KCNH7: variants seen among roughly 807,000 people sequenced by gnomAD.
KCNH7 encodes potassium voltage-gated channel subfamily H member 7, also known as voltage-gated inwardly rectifying potassium channel KCNH7.
Under a neutral mutation model 120.8 loss-of-function variants are expected in KCNH7, and 49 were observed. The ratio of observed to expected loss-of-function variants is 0.41; its 90% CI spans 0.32 to 0.51. The LOEUF (loss-of-function observed/expected upper bound fraction) is 0.51. Among genes scored for constraint, KCNH7 ranks in the 20% least tolerant of loss-of-function variants. The pLI is 0.38. For synonymous variants in KCNH7, 547 were observed against 516.1 expected (o/e 1.06, Z -0.81); for missense variants, 1,097 against 1,446.6 (o/e 0.76, Z 3.92).
intron 2 of KCNH7, among the ~76,000 whole-genome samples, chr2:162,748,927 T>TTTC (rs1553520254): frequency 3.6e-5 from 1 of 27,842 alleles, no homozygotes; most frequent in African/African-American, 2.3e-4. Flanking sequence ...TTCCCTTTCC[T>TTTC]TTCCTTCCTT....
At chr2:162,468,865 T>G (rs1292494676) in intron 6 of KCNH7, among the ~76,000 whole-genome samples, 1 of 151,792 alleles carries the variant, frequency 6.6e-6, no homozygotes, top group Non-Finnish European at 1.5e-5. Flanking sequence ...TTTTTTTTTT[T>G]TTAAAGAAAG....
At chr2:162,550,647 C>T (rs1314044902) in intron 2 of KCNH7, among the ~76,000 whole-genome samples, 1 of 152,082 alleles carries the variant, frequency 6.6e-6, no homozygotes. Context: ...CTCTTAAACA[C>T]TGTCTGAGTT....
intron 2 of KCNH7, among the ~76,000 whole-genome samples, chr2:162,801,438 C>T (rs1454912280): frequency 6.6e-6 from 1 of 151,580 alleles, no homozygotes; most frequent in African/African-American, 2.4e-5. Context: ...TCTCAAATTC[C>T]TTTTTACCAT....
At position 162,718,752 on chromosome 2, in the gene KCNH7, T is replaced by G. The variant is rs573480424; in HGVS notation, c.307+117785A>C. Among the ~76,000 whole-genome samples, 129 of 152,054 alleles carry G rather than the reference T, an allele frequency of 8.5e-4. No homozygotes were observed. The Middle Eastern group carries it at 0.017, about 20-fold the overall frequency. ...CATGTTTATAGTTAACATACAGAGTTTAGAATAAAACATTTCTTCTCTAGT... is the reference window on the plus strand; with the variant it reads ...CATGTTTATAGTTAACATACAGAGTGTAGAATAAAACATTTCTTCTCTAGT... On this transcript the variant is annotated intron_variant, in intron 2 of 15. Coordinates refer to ENST00000332142, the MANE Select transcript of KCNH7 (RefSeq NM_033272.4).
rs1688628832 is a variant in KCNH7 at position 162,447,660 on chromosome 2, TAGTC to T, written c.1129-1221_1129-1218del. On this transcript the variant is annotated intron_variant, in intron 6 of 15. Coordinates refer to ENST00000332142, the MANE Select transcript of KCNH7 (RefSeq NM_033272.4). ...GGATCTCAGGTAATCCTCCATTGGT[TAGTC>T]AGAGAGTGTTATTTCTGTGTTTTTG... Among the ~76,000 whole-genome samples, 4 of 152,162 alleles carry T rather than the reference TAGTC, an allele frequency of 2.6e-5. No homozygotes were observed. In the South Asian group the frequency reaches 8.3e-4, roughly 31 times the overall value.
intron 2 of KCNH7, among the ~76,000 whole-genome samples, chr2:162,794,644 T>A (rs1684073350): frequency 6.6e-6 from 1 of 152,078 alleles, no homozygotes; most frequent in Non-Finnish European, 1.5e-5. Flanking sequence ...CTATTCCTAT[T>A]GCTCATATAG....
At chr2:162,668,663 A>G (rs1350229231) in intron 2 of KCNH7, among the ~76,000 whole-genome samples, 1 of 152,174 alleles carries the variant, frequency 6.6e-6, no homozygotes, top group Non-Finnish European at 1.5e-5. Flanking sequence ...ATAAAGTTAT[A>G]TTGACTATGA....
At chr2:162,821,801 T>G (rs1685129289) in intron 2 of KCNH7, among the ~76,000 whole-genome samples, 1 of 152,164 alleles carries the variant, frequency 6.6e-6, no homozygotes, top group Non-Finnish European at 1.5e-5. Context: ...CATCTTTACT[T>G]TCAATACAAT....
intron 9 of KCNH7, among the ~76,000 whole-genome samples, chr2:162,419,357 G>C (rs903137687): frequency 6.6e-6 from 1 of 151,106 alleles, no homozygotes; most frequent in African/African-American, 2.4e-5. Flanking sequence ...ACCTGAGTTG[G>C]GGGATAGGCA....
At chr2:162,529,893 T>C (rs1691856481) in intron 3 of KCNH7, among the ~76,000 whole-genome samples, 1 of 151,972 alleles carries the variant, frequency 6.6e-6, no homozygotes, top group Non-Finnish European at 1.5e-5. Flanking sequence ...TGTTTATATC[T>C]ATTATGTAGC....
intron 2 of KCNH7, among the ~76,000 whole-genome samples, chr2:162,823,735 T>A (rs1229338529): frequency 6.6e-6 from 1 of 152,168 alleles, no homozygotes; most frequent in Non-Finnish European, 1.5e-5. Flanking sequence ...ATGCCTGAGA[T>A]TTCTTTTGTC....
At chr2:162,805,699 GATTTACC>G (rs1468174940) in intron 2 of KCNH7, among the ~76,000 whole-genome samples, 1 of 152,060 alleles carries the variant, frequency 6.6e-6, no homozygotes, top group Non-Finnish European at 1.5e-5. Context: ...TCTAAAAGTA[GATTTACC>G]ATTCAATCCA....
At chr2:162,608,132 C>T (rs1328334770) in intron 2 of KCNH7, among the ~76,000 whole-genome samples, 1 of 152,078 alleles carries the variant, frequency 6.6e-6, no homozygotes, top group Non-Finnish European at 1.5e-5. Flanking sequence ...ACAAAGGAGT[C>T]ATGTTCTAAA....
chr2:162,630,897 C>T (rs79298300), intron 2 of KCNH7, among the ~76,000 whole-genome samples: 2,179 of 152,046 alleles, frequency 0.014, 58 homozygotes, highest in African/African-American at 0.05. Flanking sequence ...GGTGTTCTGC[C>T]AGTCTAATCT....
intron 6 of KCNH7, among the ~76,000 whole-genome samples, chr2:162,463,404 A>C (rs1220444248): frequency 2.6e-5 from 4 of 151,702 alleles, no homozygotes; most frequent in African/African-American, 9.7e-5. Flanking sequence ...TTTTAACAGA[A>C]GTCAGACTTC....
At chr2:162,621,095 T>C (rs79278300) in intron 2 of KCNH7, among the ~76,000 whole-genome samples, 6,716 of 152,094 alleles carry the variant, frequency 0.044, 284 homozygotes, top group East Asian at 0.12. Context: ...TTATGGTGTG[T>C]GTATATATTC....
chr2:162,616,453 G>A (rs987096818), intron 2 of KCNH7, among the ~76,000 whole-genome samples: 1 of 152,208 alleles, frequency 6.6e-6, no homozygotes, highest in East Asian at 1.9e-4. Context: ...TTATCCTTGT[G>A]TGTCACTAAC....
chr2:162,591,586 C>T (rs572085392), intron 2 of KCNH7, among the ~76,000 whole-genome samples: 28 of 152,020 alleles, frequency 1.8e-4, no homozygotes, highest in African/African-American at 6.0e-4. Context: ...TGCAGTGGCT[C>T]GTAAGTAGCT....
At chr2:162,383,184 C>A (rs1686474387) in intron 13 of KCNH7, among the ~76,000 whole-genome samples, 1 of 151,846 alleles carries the variant, frequency 6.6e-6, no homozygotes, top group Admixed American at 6.6e-5. Flanking sequence ...AAGGGGAAAA[C>A]AACAAGCATT....
Sources: allele counts gnomAD v4.1 joint callset (sites outside exome capture counted in the v4.1 genomes callset), GRCh38; gene constraint gnomAD v4.1.1; transcripts MANE v1.5; gene names NCBI Gene and HGNC (gene_info 2026-07-23, HGNC 2026-07-21).